The following PDGFC variants were observed in gnomAD, a reference collection of about 807,000 sequenced individuals.
PDGFC encodes the protein platelet-derived growth factor C.
In PDGFC, 12 loss-of-function variants were observed where a neutral mutation model predicts 35.5. The observed-to-expected ratio is 0.34, with a 90% CI of 0.22 to 0.55. PDGFC has a LOEUF of 0.55. PDGFC is among the 20% of genes least tolerant of loss of function. PDGFC has a pLI of 0.91. For synonymous variants in PDGFC, 159 were observed against 148.8 expected (o/e 1.07, Z -0.50); for missense variants, 322 against 412.4 (o/e 0.78, Z 1.90).
At chr4:156,783,447 G>T (rs1731035191) in intron 3 of PDGFC, among the ~76,000 whole-genome samples, 1 of 149,476 alleles carries the variant, frequency 6.7e-6, no homozygotes, top group Non-Finnish European at 1.5e-5. Context: ...CATGAACAAG[G>T]CTTTGGCATC....
At chr4:156,951,731 G>GA (rs776491759) in intron 1 of PDGFC, among the ~76,000 whole-genome samples, 3,799 of 110,526 alleles carry the variant, frequency 0.034, 113 homozygotes, top group Admixed American at 0.14. Flanking sequence ...CTACCTTATA[G>GA]AAAAAAAAAA....
At chr4:156,866,061 G>C (rs1188452137) in intron 1 of PDGFC, among the ~76,000 whole-genome samples, 2 of 151,934 alleles carry the variant, frequency 1.3e-5, no homozygotes, top group Non-Finnish European at 2.9e-5. Flanking sequence ...ACCCATTAAC[G>C]TGTCATTTAG....
intron 1 of PDGFC, among the ~76,000 whole-genome samples, chr4:156,970,361 T>G (rs528210015): frequency 6.6e-6 from 1 of 152,332 alleles, no homozygotes; most frequent in African/African-American, 2.4e-5. Context: ...CCTAGAGTGC[T>G]TCAATTAATG....
At chr4:156,776,304 C>T (rs979490721) in intron 3 of PDGFC, among the ~76,000 whole-genome samples, 21 of 152,094 alleles carry the variant, frequency 1.4e-4, no homozygotes, top group Non-Finnish European at 7.4e-5. Flanking sequence ...ATGCAAAATA[C>T]GCCTTGACTT....
At chr4:156,954,796 A>G (rs749980007) in intron 1 of PDGFC, among the ~76,000 whole-genome samples, 4 of 151,946 alleles carry the variant, frequency 2.6e-5, no homozygotes, top group Non-Finnish European at 5.9e-5. Flanking sequence ...CGCATCCCCC[A>G]GCTGTGAAAT....
intron 1 of PDGFC, among the ~76,000 whole-genome samples, chr4:156,855,497 G>A (rs754508941): frequency 9.9e-5 from 15 of 152,134 alleles, no homozygotes; most frequent in Admixed American, 2.0e-4. Context: ...ATGTAGGCAC[G>A]ACTGTAGCAA....
chr4:156,969,404 C>T (rs773326557), intron 1 of PDGFC, among the ~76,000 whole-genome samples: 10 of 152,200 alleles, frequency 6.6e-5, no homozygotes, highest in Admixed American at 5.2e-4. Context: ...CATGTGGCAT[C>T]ACATTAGCAA....
chr4:156,803,727 TG>T (rs567218005), intron 3 of PDGFC, among the ~76,000 whole-genome samples: 22 of 152,236 alleles, frequency 1.4e-4, no homozygotes, highest in Non-Finnish European at 2.9e-4. Flanking sequence ...CAAAATTAAC[TG>T]ACAAAATTAA....
intron 1 of PDGFC, among the ~76,000 whole-genome samples, chr4:156,918,194 T>G (rs1422796418): frequency 6.6e-6 from 1 of 152,212 alleles, no homozygotes; most frequent in African/African-American, 2.4e-5. Context: ...ATATATCTCT[T>G]TAAAAATAAC....
chr4:156,816,006 T>C (rs1391526782), intron 2 of PDGFC, among the ~76,000 whole-genome samples: 2 of 152,172 alleles, frequency 1.3e-5, no homozygotes, highest in East Asian at 1.9e-4. Context: ...TTCGTTCTCA[T>C]GTGGGAATTA....
chr4:156,812,413 C>T (rs1196243016), intron 2 of PDGFC, among the ~76,000 whole-genome samples: 4 of 151,900 alleles, frequency 2.6e-5, no homozygotes, highest in African/African-American at 7.2e-5. Context: ...ATTTTTAAAA[C>T]AATTTCACAT....
chr4:156,890,788 G>T (rs1730484874), intron 1 of PDGFC, among the ~76,000 whole-genome samples: 1 of 152,088 alleles, frequency 6.6e-6, no homozygotes, highest in Non-Finnish European at 1.5e-5. Context: ...ATATTGGTAA[G>T]GCAACATAAT....
At chr4:156,806,570 CAAG>C (rs1560819911) in intron 3 of PDGFC, among the ~76,000 whole-genome samples, 2 of 151,698 alleles carry the variant, frequency 1.3e-5, no homozygotes, top group Non-Finnish European at 2.9e-5. Context: ...GCACTGTACT[CAAG>C]AAGAATAGTT....
intron 3 of PDGFC, among the ~76,000 whole-genome samples, chr4:156,796,347 T>C (rs932017911): frequency 1.3e-5 from 2 of 152,104 alleles, no homozygotes; most frequent in African/African-American, 4.8e-5. Flanking sequence ...TTTTATATTT[T>C]TATTTATTCA....
intron 1 of PDGFC, among the ~76,000 whole-genome samples, chr4:156,907,506 A>G (rs1363750254): frequency 1.3e-5 from 2 of 152,182 alleles, no homozygotes; most frequent in Non-Finnish European, 2.9e-5. Context: ...CTGAATTTGC[A>G]TCTTTCAATT....
chr4:156,893,903 AT>A (rs1730572625), intron 1 of PDGFC, among the ~76,000 whole-genome samples: 1 of 152,122 alleles, frequency 6.6e-6, no homozygotes, highest in Admixed American at 6.5e-5. Context: ...AGGTTACATA[AT>A]TTTTTTCTCT....
intron 1 of PDGFC, among the ~76,000 whole-genome samples, chr4:156,903,837 C>T (rs574134650): frequency 2.0e-5 from 3 of 152,202 alleles, no homozygotes; most frequent in African/African-American, 7.2e-5. Flanking sequence ...TGTAGGAAGA[C>T]AAACCATTAC....
chr4:156,958,008 C>T (rs1732251797), intron 1 of PDGFC, among the ~76,000 whole-genome samples: 1 of 151,980 alleles, frequency 6.6e-6, no homozygotes, highest in Admixed American at 6.6e-5. Context: ...ATATATCTCC[C>T]CTAACAACTT....
chr4:156,765,541 T>C (rs1009864351), intron 5 of PDGFC, among the ~76,000 whole-genome samples: 5 of 152,184 alleles, frequency 3.3e-5, no homozygotes, highest in African/African-American at 1.2e-4. Context: ...GATTCAGCAC[T>C]AGAATCAGGC....
Sources: gnomAD v4.1 joint callset for allele counts (sites outside exome capture counted in the v4.1 genomes callset) on GRCh38, gnomAD v4.1.1 for gene constraint, MANE v1.5 for transcripts, NCBI Gene and HGNC (gene_info 2026-07-23, HGNC 2026-07-21) for gene names.